POU6F2: variants seen among roughly 807,000 people sequenced by gnomAD.
POU6F2 encodes the protein POU domain, class 6, transcription factor 2.
POU6F2 carries 31 observed loss-of-function variants against 71.3 expected under a neutral mutation model. The observed-to-expected ratio is 0.43, with a 90% CI of 0.33 to 0.59. The LOEUF is 0.59. Ranked by LOEUF, POU6F2 falls within the 20% of genes least tolerant of loss-of-function variation. The pLI, the probability that POU6F2 is intolerant of heterozygous loss-of-function variation, is 0.04. For synonymous variants in POU6F2, 347 were observed against 355.7 expected (o/e 0.98, Z 0.27); for missense variants, 783 against 856.8 (o/e 0.91, Z 1.07).
intron 2 of POU6F2, among the ~76,000 whole-genome samples, chr7:39,113,805 T>C (rs1791872353): frequency 6.6e-6 from 1 of 152,162 alleles, no homozygotes; most frequent in African/African-American, 2.4e-5. Context: ...ATAATGGAGA[T>C]TCACGAGAGC....
intron 1 of POU6F2, among the ~76,000 whole-genome samples, chr7:39,058,503 G>A (rs1042520531): frequency 5.1e-4 from 77 of 152,282 alleles, no homozygotes; most frequent in African/African-American, 1.8e-3. Context: ...TACTGCAATT[G>A]TTATACATTT....
At chr7:39,077,883 A>C (rs563591477) in intron 1 of POU6F2, among the ~76,000 whole-genome samples, 1 of 152,288 alleles carries the variant, frequency 6.6e-6, no homozygotes, top group East Asian at 1.9e-4. Context: ...TCTAGACCTT[A>C]TTTTACCGTG....
chr7:39,003,018 T>C (rs895058675), intron 1 of POU6F2, among the ~76,000 whole-genome samples: 1 of 152,234 alleles, frequency 6.6e-6, no homozygotes, highest in Non-Finnish European at 1.5e-5. Context: ...CACAATTTAG[T>C]TATCTTCGTT....
At chr7:39,452,748 T>A (rs1035303912) in intron 8 of POU6F2, among the ~76,000 whole-genome samples, 3 of 152,190 alleles carry the variant, frequency 2.0e-5, no homozygotes, top group Admixed American at 1.3e-4. Flanking sequence ...GCAAGAAAGA[T>A]GCTTGTGGGT....
chr7:39,016,443 T>C (rs1475314891), intron 1 of POU6F2, among the ~76,000 whole-genome samples: 1 of 151,820 alleles, frequency 6.6e-6, no homozygotes, highest in Non-Finnish European at 1.5e-5. Flanking sequence ...ACACAGTTTC[T>C]GCTCCAAAAA....
chr7:39,310,598 C>T (rs776443510), intron 4 of POU6F2, among the ~76,000 whole-genome samples: 32 of 152,316 alleles, frequency 2.1e-4, no homozygotes, highest in Middle Eastern at 3.4e-3. Flanking sequence ...AACACCATTA[C>T]GCATCAGTGT....
At chr7:39,269,461 A>G (rs4338004) in intron 4 of POU6F2, among the ~76,000 whole-genome samples, 106,090 of 152,206 alleles carry the variant, frequency 0.7, 37,087 homozygotes, top group Admixed American at 0.79. Flanking sequence ...CCAGATACAG[A>G]TGGTCGGCTG....
At chr7:39,200,627 C>T (rs1330983570) in intron 2 of POU6F2, among the ~76,000 whole-genome samples, 2 of 152,064 alleles carry the variant, frequency 1.3e-5, no homozygotes, top group Non-Finnish European at 2.9e-5. Flanking sequence ...GTAAATTCCA[C>T]ACAAAGGGAC....
intron 6 of POU6F2, among the ~76,000 whole-genome samples, chr7:39,425,293 G>A (rs1021519620): frequency 6.6e-6 from 1 of 151,786 alleles, no homozygotes; most frequent in Non-Finnish European, 1.5e-5. Context: ...GTGTTTGGGA[G>A]TTTGGTATTT....
At chr7:39,040,888 C>T (rs528500856) in intron 1 of POU6F2, among the ~76,000 whole-genome samples, 6 of 151,996 alleles carry the variant, frequency 3.9e-5, no homozygotes, top group African/African-American at 9.6e-5. Context: ...CTCACACAAA[C>T]GCATACACTT....
chr7:39,253,794 CTG>C (rs1783969451), intron 4 of POU6F2, among the ~76,000 whole-genome samples: 3 of 152,186 alleles, frequency 2.0e-5, no homozygotes, highest in African/African-American at 7.2e-5. Context: ...GGCTAAGCTT[CTG>C]ATGAAGTTAT....
intron 4 of POU6F2, among the ~76,000 whole-genome samples, chr7:39,321,091 G>A: frequency 1.0e-5 from 1 of 96,330 alleles, no homozygotes; most frequent in Non-Finnish European, 2.3e-5. Context: ...CTATAACATA[G>A]TACTATTATA....
chr7:39,386,202 T>C (rs192469041), intron 5 of POU6F2, among the ~76,000 whole-genome samples: 1 of 151,964 alleles, frequency 6.6e-6, no homozygotes, highest in East Asian at 1.9e-4. Flanking sequence ...CTGCCAGAGA[T>C]GCCAGGCCTG....
Position 39,321,670 on chromosome 7 carries a change from G to T in POU6F2, c.599-17972G>T, listed in dbSNP as rs149817908. Among the ~76,000 whole-genome samples the T allele has an allele frequency of 7.3e-3, 1,110 of 152,264 alleles. 6 individuals carry two copies. Among genetic ancestry groups the T allele is most frequent in the South Asian group, 0.018 (85 of 4,816 alleles). ...ATAGGATGTGAATGAAGTGCAGGAA[G>T]GCAGAATCACAGTTGAAGTTATGTT... On this transcript the variant is annotated intron_variant, in intron 4 of 9. Transcript: ENST00000518318.
At chr7:39,436,834 G>A (rs182596295) in intron 7 of POU6F2, among the ~76,000 whole-genome samples, 14 of 152,278 alleles carry the variant, frequency 9.2e-5, no homozygotes, top group African/African-American at 3.4e-4. Context: ...TAACATGAAG[G>A]GATGTTGAAT....
At chr7:39,132,483 T>C (rs375305578) in intron 2 of POU6F2, 3 of 152,296 alleles carry the variant, frequency 2.0e-5, no homozygotes, top group East Asian at 1.9e-4. Flanking sequence ...TGAGCGAGTG[T>C]TCCTAAAGTG....
intron 1 of POU6F2, among the ~76,000 whole-genome samples, chr7:38,996,673 C>CT (rs1251482054): frequency 6.6e-6 from 1 of 152,180 alleles, no homozygotes; most frequent in Non-Finnish European, 1.5e-5. Context: ...ACAGCACTTA[C>CT]TTTTTACTTT....
At chr7:38,997,865 G>C (rs1426025894) in intron 1 of POU6F2, among the ~76,000 whole-genome samples, 1 of 152,176 alleles carries the variant, frequency 6.6e-6, no homozygotes, top group Non-Finnish European at 1.5e-5. Flanking sequence ...TTAGAGGAAA[G>C]AGATTATCAA....
At chr7:39,392,705 C>T (rs1490640582) in intron 5 of POU6F2, among the ~76,000 whole-genome samples, 2 of 152,140 alleles carry the variant, frequency 1.3e-5, no homozygotes, top group African/African-American at 2.4e-5. Flanking sequence ...TCTCAATTTA[C>T]GGACAGGAAC....
Sources: gnomAD v4.1 joint callset for allele counts (sites outside exome capture counted in the v4.1 genomes callset) on GRCh38, gnomAD v4.1.1 for gene constraint, MANE v1.5 for transcripts, NCBI Gene and HGNC (gene_info 2026-07-23, HGNC 2026-07-21) for gene names.